Variants in PARVB observed in about 807,000 individuals in gnomAD.
PARVB encodes the protein beta-parvin.
In PARVB, 46 loss-of-function variants were observed where a neutral mutation model predicts 47.0. That is an observed-to-expected ratio of 0.98 (90% confidence interval 0.77 to 1.25). The LOEUF is 1.25. Ranked by LOEUF, PARVB falls within the 50% of genes most tolerant of loss-of-function variation. The pLI, the probability that PARVB is intolerant of heterozygous loss-of-function variation, is 0.00. For missense variants in PARVB, 473 were observed against 471.6 expected, an observed-to-expected ratio of 1.00 and a Z score of -0.03; for synonymous variants, 196 against 196.3, an observed-to-expected ratio of 1.00 and a Z score of 0.01.
chr22:44,073,750 G>C (rs1295976845), intron 1 of PARVB, among the ~76,000 whole-genome samples: 4 of 152,226 alleles, frequency 2.6e-5, no homozygotes, highest in Non-Finnish European at 5.9e-5. Flanking sequence ...CCCTCTGAAA[G>C]GGAGAAGCAG....
intron 4 of PARVB, 73 bp from the exon 5 acceptor site, chr22:44,131,414 T>C: frequency 6.5e-7 from 1 of 1,542,594 alleles, no homozygotes; most frequent in Non-Finnish European, 8.8e-7. Context: ...ACTGCTGGGA[T>C]TACAGGCATG....
At chr22:44,048,083 G>A (rs2051145527) in intron 1 of PARVB, among the ~76,000 whole-genome samples, 1 of 152,186 alleles carries the variant, frequency 6.6e-6, no homozygotes, top group South Asian at 2.1e-4. Context: ...GAGGATGGGG[G>A]TTCAGGCAGG....
Position 44,042,543 on chromosome 22 carries a change from GC to G in PARVB, c.112+18095del, listed in dbSNP as rs558602700. 4.1e-4 allele frequency among the ~76,000 whole-genome samples: 63 copies of G among 152,338 alleles called. 1 individual carries two copies. In the South Asian group the frequency reaches 0.013, roughly 32 times the overall value. On this transcript the variant is annotated intron_variant, in intron 1 of 12. Transcript: ENST00000338758. ...AGAAGACACGCCACCCTGGGAACTG[GC>G]CCGTGTCTTCACACGTCCTGCACTG...
At chr22:44,011,539 T>C (rs759877835) in intron 2 of PARVB, among the ~76,000 whole-genome samples, 97 of 152,192 alleles carry the variant, frequency 6.4e-4, no homozygotes, top group Non-Finnish European at 1.2e-3. Flanking sequence ...AGCCTGCTGG[T>C]GCTTGAACCT....
intron 1 of PARVB, among the ~76,000 whole-genome samples, chr22:44,082,987 G>C (rs1036328781): frequency 1.3e-5 from 2 of 152,132 alleles, no homozygotes; most frequent in African/African-American, 4.8e-5. Context: ...TGGTCGGAAT[G>C]CACACCCCAG....
rs1186067671 is a variant in PARVB, at chr22:44,068,421, C to T, written c.113-25507C>T. 6.6e-6 allele frequency among the ~76,000 whole-genome samples: 1 copy of T among 152,178 alleles called. No homozygotes were observed. ...GAGGAAAGGGGGAGCAAGTTGCCGGCCAAGGTAGGTATCATGCGAGTCCTA... is the reference window on the plus strand; with the variant it reads ...GAGGAAAGGGGGAGCAAGTTGCCGGTCAAGGTAGGTATCATGCGAGTCCTA... On this transcript the variant is annotated intron_variant, in intron 1 of 12. Transcript: ENST00000338758. The surrounding 1 kb of genome is among the most constrained non-coding windows in gnomAD (Gnocchi z 4.1).
At chr22:44,077,676 C>T (rs913243237) in intron 1 of PARVB, among the ~76,000 whole-genome samples, 10 of 152,122 alleles carry the variant, frequency 6.6e-5, no homozygotes, top group African/African-American at 1.2e-4. Flanking sequence ...TGGAGAACCA[C>T]ACGTCATTGC....
intron 3 of PARVB, chr22:44,105,073 A>G (rs1010746249): frequency 3.9e-5 from 6 of 152,272 alleles, no homozygotes; most frequent in Non-Finnish European, 5.9e-5. Context: ...GACAATGCGC[A>G]TGCAGTATTG....
chr22:44,079,143 T>A (rs1375130584), intron 1 of PARVB, among the ~76,000 whole-genome samples: 1 of 152,226 alleles, frequency 6.6e-6, no homozygotes, highest in East Asian at 1.9e-4. Context: ...TGTGTCCTCT[T>A]CTTTGCCAGC....
intron 3 of PARVB, chr22:44,107,904 C>T (rs1361613149): frequency 6.6e-6 from 1 of 151,414 alleles, no homozygotes; most frequent in Non-Finnish European, 1.5e-5. Context: ...GACGGAGTCT[C>T]ACACTGTCGG....
At position 44,045,367 on chromosome 22, in the gene PARVB, G is replaced by A. The variant is rs2051096715; in HGVS notation, c.112+20916G>A. ...GTTTTAAAATGTTGCTAAGAGAGAT[G>A]TAAGGAGGAAAATGTGTTGGTGAGT... On this transcript the variant is annotated intron_variant, in intron 1 of 12. Transcript: ENST00000338758. Among the ~76,000 whole-genome samples, 5 of 152,356 alleles carry A rather than the reference G, an allele frequency of 3.3e-5. No individual in the cohort carries two copies. The South Asian group carries it at 1.0e-3, about 32-fold the overall frequency.
intron 2 of PARVB, among the ~76,000 whole-genome samples, chr22:44,016,234 C>G (rs1207091941): frequency 2.0e-5 from 3 of 151,856 alleles, no homozygotes; most frequent in East Asian, 3.9e-4. Context: ...GTAGCTGGGA[C>G]TACAGGCACC....
At chr22:44,092,215 A>G (rs2052186005) in intron 1 of PARVB, among the ~76,000 whole-genome samples, 1 of 152,070 alleles carries the variant, frequency 6.6e-6, no homozygotes, top group African/African-American at 2.4e-5. Flanking sequence ...GGTTCAAGCA[A>G]TTCTCCCACC....
At chr22:44,132,837 G>GCT (rs1400110672) in intron 5 of PARVB, 57 bp from the exon 6 acceptor site, 4 of 1,181,304 alleles carry the variant, frequency 3.4e-6, no homozygotes, top group Non-Finnish European at 5.1e-6. Context: ...CTGCACGTGG[G>GCT]CTCAGGTTCC....
At chr22:44,113,682 G>A (rs537742409) in intron 3 of PARVB, 1 of 37,290 alleles carries the variant, frequency 2.7e-5, no homozygotes. Context: ...TTGTTACTAA[G>A]TAAGGCCCTG....
At chr22:44,165,410 C>G (rs1399468664) in intron 12 of PARVB, among the ~76,000 whole-genome samples, 5 of 152,210 alleles carry the variant, frequency 3.3e-5, no homozygotes, top group Admixed American at 6.5e-5. Context: ...AAGCACATGT[C>G]CAGCAGGGAG....
intron 1 of PARVB, among the ~76,000 whole-genome samples, chr22:44,066,807 C>CCTCCTCCTCCTT (rs2051541764): frequency 1.4e-5 from 2 of 145,940 alleles, no homozygotes; most frequent in African/African-American, 5.0e-5. Context: ...TCCTCCTCCT[C>CCTCCTCCTCCTT]CTCCTCCTCC....
At chr22:44,141,886 G>GA (rs2053558060) in intron 8 of PARVB, 1 of 152,210 alleles carries the variant, frequency 6.6e-6, no homozygotes, top group African/African-American at 2.4e-5. Flanking sequence ...AAGAGAAAGA[G>GA]AAACATCCTG....
chr22:44,075,803 T>C (rs920704649), intron 1 of PARVB, among the ~76,000 whole-genome samples: 6 of 152,234 alleles, frequency 3.9e-5, no homozygotes, highest in Admixed American at 3.3e-4. Flanking sequence ...TGGCTCTTTC[T>C]GCATTGTCTG....
Sources: gnomAD v4.1 joint callset for allele counts (sites outside exome capture counted in the v4.1 genomes callset) on GRCh38, gnomAD v4.1.1 for gene constraint, Gnocchi (gnomAD v3.1) non-coding constraint, MANE v1.5 for transcripts, NCBI Gene and HGNC (gene_info 2026-07-23, HGNC 2026-07-21) for gene names.